KCND2: variants seen among roughly 807,000 people sequenced by gnomAD.
KCND2 encodes the protein A-type voltage-gated potassium channel KCND2.
Under a neutral mutation model 54.4 loss-of-function variants are expected in KCND2, and 16 were observed. The ratio of observed to expected loss-of-function variants is 0.29; its 90% CI spans 0.20 to 0.45. The LOEUF is 0.45. Ranked by LOEUF, KCND2 falls within the 20% of genes least tolerant of loss-of-function variation. KCND2 has a pLI of 1.00. For missense variants in KCND2, 486 were observed against 824.2 expected (o/e 0.59, Z 5.02); for synonymous variants, 317 against 310.7 (o/e 1.02, Z -0.21).
chr7:120,627,936 C>G (rs1428654504), intron 1 of KCND2, among the ~76,000 whole-genome samples: 2 of 151,970 alleles, frequency 1.3e-5, no homozygotes, highest in Non-Finnish European at 2.9e-5. Flanking sequence ...ATCACCTTGG[C>G]TGGGCGGGCC....
At chr7:120,569,999 C>T (rs1312328075) in intron 1 of KCND2, among the ~76,000 whole-genome samples, 1 of 152,070 alleles carries the variant, frequency 6.6e-6, no homozygotes, top group East Asian at 1.9e-4. Context: ...GCACTCCAAG[C>T]AGTGTTAGGT....
intron 1 of KCND2, among the ~76,000 whole-genome samples, chr7:120,365,813 A>G (rs1800668993): frequency 6.6e-6 from 1 of 152,188 alleles, no homozygotes; most frequent in Non-Finnish European, 1.5e-5. Context: ...GTGTTAATGT[A>G]AAGTTCTATA....
chr7:120,459,785 C>T (rs1331927239), intron 1 of KCND2, among the ~76,000 whole-genome samples: 1 of 152,138 alleles, frequency 6.6e-6, no homozygotes, highest in Non-Finnish European at 1.5e-5. Context: ...ATTTATTTTC[C>T]TAGTAATTTC....
intron 1 of KCND2, among the ~76,000 whole-genome samples, chr7:120,592,610 T>C (rs945305032): frequency 6.6e-6 from 1 of 152,216 alleles, no homozygotes; most frequent in Non-Finnish European, 1.5e-5. Flanking sequence ...AAAAGTTTTC[T>C]TTGACAAAAT....
chr7:120,370,268 G>C (rs1800747250), intron 1 of KCND2, among the ~76,000 whole-genome samples: 1 of 151,996 alleles, frequency 6.6e-6, no homozygotes, highest in South Asian at 2.1e-4. Context: ...AATAGCAAGA[G>C]AGGAAATCAG....
chr7:120,707,520 A>C (rs1441661899), intron 1 of KCND2, among the ~76,000 whole-genome samples: 1 of 152,142 alleles, frequency 6.6e-6, no homozygotes, highest in Non-Finnish European at 1.5e-5. Context: ...GCAAAAGTTG[A>C]AGTGAAAAAC....
intron 1 of KCND2, among the ~76,000 whole-genome samples, chr7:120,334,500 C>T (rs1800116835): frequency 1.3e-5 from 2 of 152,122 alleles, no homozygotes; most frequent in South Asian, 4.1e-4. Context: ...AATTAACTGT[C>T]CCTGACTTGA....
At chr7:120,432,428 G>A (rs1801805119) in intron 1 of KCND2, among the ~76,000 whole-genome samples, 1 of 152,008 alleles carries the variant, frequency 6.6e-6, no homozygotes, top group Non-Finnish European at 1.5e-5. Flanking sequence ...ATAATGCTTA[G>A]TTTTGGGGAG....
chr7:120,683,847 G>A (rs1384295050), intron 1 of KCND2, among the ~76,000 whole-genome samples: 2 of 151,946 alleles, frequency 1.3e-5, no homozygotes, highest in African/African-American at 4.8e-5. Flanking sequence ...AGTGGAAATA[G>A]CATTTCAGAG....
chr7:120,554,694 C>G (rs1792141895), intron 1 of KCND2, among the ~76,000 whole-genome samples: 1 of 152,170 alleles, frequency 6.6e-6, no homozygotes, highest in Non-Finnish European at 1.5e-5. Flanking sequence ...AGGCGTGAGC[C>G]ACCGCGCCTG....
chr7:120,459,646 C>T (rs1458346979), intron 1 of KCND2, among the ~76,000 whole-genome samples: 5 of 152,180 alleles, frequency 3.3e-5, no homozygotes, highest in Non-Finnish European at 7.3e-5. Context: ...ATAGTGAATA[C>T]TCACAACTAT....
chr7:120,565,859 A>T (rs903947158), intron 1 of KCND2, among the ~76,000 whole-genome samples: 5 of 152,232 alleles, frequency 3.3e-5, no homozygotes, highest in Non-Finnish European at 5.9e-5. Context: ...AACTTTCAAT[A>T]GTCCCACAAG....
chr7:120,409,719 T>G (rs907148195), intron 1 of KCND2, among the ~76,000 whole-genome samples: 1 of 151,892 alleles, frequency 6.6e-6, no homozygotes, highest in Non-Finnish European at 1.5e-5. Context: ...TTTTGACCAT[T>G]TATTTGATTG....
chr7:120,341,563 A>G (rs1563015518), intron 1 of KCND2, among the ~76,000 whole-genome samples: 1 of 152,152 alleles, frequency 6.6e-6, no homozygotes, highest in South Asian at 2.1e-4. Context: ...GATAGAAGAT[A>G]ATGATCAGAG....
chr7:120,392,596 A>G lies in KCND2; in HGVS notation c.1115+116849A>G, dbSNP rs531771109. Reference sequence around the variant, plus strand: ...GAATGTTATGAATAATTTTGGCCTTATATTTACTTTTTCTCTAGACCATTT... The same window carrying G: ...GAATGTTATGAATAATTTTGGCCTTGTATTTACTTTTTCTCTAGACCATTT... On this transcript the variant is annotated intron_variant, in intron 1 of 5. Transcript: ENST00000331113. Among the ~76,000 whole-genome samples the G allele has an allele frequency of 2.0e-5, 3 of 151,888 alleles. No homozygotes were observed. The South Asian group carries it at 6.2e-4, about 32-fold the overall frequency.
intron 1 of KCND2, among the ~76,000 whole-genome samples, chr7:120,527,584 C>T (rs1791791673): frequency 6.6e-6 from 1 of 152,030 alleles, no homozygotes; most frequent in South Asian, 2.1e-4. Context: ...TGGTCAGATC[C>T]TGCTGCTCGT....
chr7:120,403,909 G>C (rs1285005149), intron 1 of KCND2, among the ~76,000 whole-genome samples: 4 of 151,794 alleles, frequency 2.6e-5, no homozygotes, highest in African/African-American at 7.2e-5. Context: ...GAATCTCAAG[G>C]TATTTTTGCA....
intron 1 of KCND2, among the ~76,000 whole-genome samples, chr7:120,453,384 A>G (rs150108981): frequency 1.8e-4 from 27 of 152,270 alleles, no homozygotes; most frequent in African/African-American, 6.5e-4. Flanking sequence ...ACCACAGTGA[A>G]CCAGCTCATG....
chr7:120,485,445 A>T (rs1054434192), intron 1 of KCND2, among the ~76,000 whole-genome samples: 4 of 152,202 alleles, frequency 2.6e-5, no homozygotes. Context: ...TGGAAATACA[A>T]TTCCTACTCT....
Sources: gnomAD v4.1 joint callset for allele counts (sites outside exome capture counted in the v4.1 genomes callset) on GRCh38, gnomAD v4.1.1 for gene constraint, MANE v1.5 for transcripts, NCBI Gene and HGNC (gene_info 2026-07-23, HGNC 2026-07-21) for gene names.